Variants in NTAQ1 observed in about 807,000 individuals in gnomAD.
NTAQ1 encodes the protein protein N-terminal glutamine amidohydrolase.
A neutral mutation model predicts 28.2 loss-of-function variants in NTAQ1; 21 were observed. The ratio of observed to expected loss-of-function variants is 0.74; its 90% CI spans 0.53 to 1.07. The LOEUF is 1.07. Ranked by LOEUF, NTAQ1 falls within the 50% of genes least tolerant of loss-of-function variation. The pLI, the probability that NTAQ1 is intolerant of heterozygous loss-of-function variation, is 0.00. For missense variants in NTAQ1, 264 were observed against 256.6 expected, an observed-to-expected ratio of 1.03 and a Z score of -0.20; for synonymous variants, 105 against 90.0, an observed-to-expected ratio of 1.17 and a Z score of -0.94.
At chr8:123,446,103 C>A (rs549140589), downstream of NTAQ1, among the ~76,000 whole-genome samples, 24 of 152,264 alleles carry the variant, frequency 1.6e-4, no homozygotes, top group African/African-American at 5.8e-4. Flanking sequence ...AAGCGATTCT[C>A]GTGCCTCAGC....
At chr8:123,464,445 C>A (rs951998305) in intron 6 of NTAQ1, among the ~76,000 whole-genome samples, 1 of 152,084 alleles carries the variant, frequency 6.6e-6, no homozygotes, top group Non-Finnish European at 1.5e-5. Context: ...ACTGAATACA[C>A]GAGAGGTCAG....
At chr8:123,475,116 ATTTAT>A in the NTAQ1 span, among the ~76,000 whole-genome samples, 1 of 152,024 alleles carries the variant, frequency 6.6e-6, no homozygotes, top group African/African-American at 2.4e-5. Flanking sequence ...GCTGATGAAT[ATTTAT>A]TTTATTTTAT....
At chr8:123,441,151 A>G (rs1345207759) in intron 5 of NTAQ1, among the ~76,000 whole-genome samples, 155 bp from the exon 6 acceptor site, 2 of 152,140 alleles carry the variant, frequency 1.3e-5, no homozygotes, top group East Asian at 3.8e-4. Flanking sequence ...GATTGGATTG[A>G]AGTTATACAT....
At chr8:123,450,800 A>G (rs963635157), downstream of NTAQ1, among the ~76,000 whole-genome samples, 1 of 152,196 alleles carries the variant, frequency 6.6e-6, no homozygotes, top group Admixed American at 6.5e-5. Context: ...CCCACTTTGC[A>G]GTGTTTTCTT....
downstream of NTAQ1, among the ~76,000 whole-genome samples, chr8:123,474,783 A>G (rs1386193081): frequency 6.6e-6 from 1 of 152,134 alleles, no homozygotes; most frequent in Non-Finnish European, 1.5e-5. Flanking sequence ...GCTACTTGGG[A>G]GGCTGAGGCA....
At chr8:123,431,748 TC>T (rs1232788309) in intron 3 of NTAQ1, among the ~76,000 whole-genome samples, 1 of 152,152 alleles carries the variant, frequency 6.6e-6, no homozygotes, top group Non-Finnish European at 1.5e-5. Flanking sequence ...CTTCAGTGTC[TC>T]CCCCTGGTCA....
intron 1 of NTAQ1, among the ~76,000 whole-genome samples, chr8:123,424,616 C>A (rs1453924373): frequency 1.6e-5 from 1 of 62,322 alleles, no homozygotes; most frequent in Non-Finnish European, 3.4e-5. Flanking sequence ...TCAGGTGATC[C>A]AAGGTCTTAA....
At chr8:123,439,157 C>T (rs1187381330) in intron 5 of NTAQ1, among the ~76,000 whole-genome samples, 2 of 151,338 alleles carry the variant, frequency 1.3e-5, no homozygotes, top group East Asian at 3.9e-4. Flanking sequence ...TATGGGCTGC[C>T]GAGGTGAGCA....
intron 5 of NTAQ1, among the ~76,000 whole-genome samples, chr8:123,439,125 G>A (rs1814891940): frequency 6.6e-6 from 1 of 151,918 alleles, no homozygotes; most frequent in African/African-American, 2.4e-5. Flanking sequence ...TTTGTGCTGG[G>A]CTTTTGCCAG....
chr8:123,471,524 A>G (rs907064095), downstream of NTAQ1, among the ~76,000 whole-genome samples: 6 of 152,184 alleles, frequency 3.9e-5, no homozygotes, highest in Non-Finnish European at 8.8e-5. Context: ...AACAAGCTGG[A>G]GACCCAGTGG....
In NTAQ1 at chr8:123,428,584, TTTTG is replaced by T. The variant is rs536074284; in HGVS notation, c.183+577_183+580del. On this transcript the variant is annotated intron_variant, in intron 2 of 5. Transcript: ENST00000287387. ...TAGGTATCAATGTAGACCTGTTTTT[TTTTG>T]TTTGTTTGTTTGTTTTTTCTTTTAT... 1.4e-4 allele frequency among the ~76,000 whole-genome samples: 21 copies of T among 151,866 alleles called. No homozygotes were observed. In the East Asian group the frequency reaches 3.7e-3, roughly 27 times the overall value.
chr8:123,450,827 T>C (rs919963504), downstream of NTAQ1, among the ~76,000 whole-genome samples: 52 of 152,328 alleles, frequency 3.4e-4, no homozygotes, highest in African/African-American at 1.2e-3. Context: ...GCAGCCAAAG[T>C]GATCTTTATT....
intron 3 of NTAQ1, among the ~76,000 whole-genome samples, chr8:123,434,570 A>T (rs1291721515): frequency 6.6e-6 from 1 of 152,166 alleles, no homozygotes; most frequent in Non-Finnish European, 1.5e-5. Context: ...GGTTGCAGTG[A>T]GCTGGGATTG....
intron 1 of NTAQ1, among the ~76,000 whole-genome samples, chr8:123,427,238 T>C (rs1377103575): frequency 7.0e-6 from 1 of 141,956 alleles, no homozygotes; most frequent in Non-Finnish European, 1.5e-5. Flanking sequence ...GAAGTCAAGA[T>C]GGTCAAAGCT....
chr8:123,472,414 T>C (rs1265383029), downstream of NTAQ1, among the ~76,000 whole-genome samples: 1 of 152,190 alleles, frequency 6.6e-6, no homozygotes, highest in African/African-American at 2.4e-5. Flanking sequence ...GTCTCATAGT[T>C]CTGGAAGTTA....
downstream of NTAQ1, among the ~76,000 whole-genome samples, chr8:123,445,800 T>G (rs1815256855): frequency 6.6e-6 from 1 of 151,854 alleles, no homozygotes; most frequent in Admixed American, 6.6e-5. Flanking sequence ...GAGACAGGGT[T>G]TCACCATGTT....
chr8:123,439,228 G>C (rs987440455), intron 5 of NTAQ1, among the ~76,000 whole-genome samples: 1 of 151,934 alleles, frequency 6.6e-6, no homozygotes, highest in East Asian at 1.9e-4. Context: ...GCCCAGGCTG[G>C]AGTGCAGTGG....
At chr8:123,430,754 T>C (rs1814346775) in intron 3 of NTAQ1, among the ~76,000 whole-genome samples, 1 of 152,072 alleles carries the variant, frequency 6.6e-6, no homozygotes, top group East Asian at 1.9e-4. Flanking sequence ...GTACTCCAGC[T>C]TGGGTGACAG....
chr8:123,466,832 C>T (rs1369724054), intron 6 of NTAQ1, among the ~76,000 whole-genome samples: 2 of 152,040 alleles, frequency 1.3e-5, no homozygotes, highest in Non-Finnish European at 2.9e-5. Flanking sequence ...TACCATTTTA[C>T]AGTAAAGGGA....
Sources: gnomAD v4.1 joint callset for allele counts (sites outside exome capture counted in the v4.1 genomes callset) on GRCh38, gnomAD v4.1.1 for gene constraint, MANE v1.5 for transcripts, NCBI Gene and HGNC (gene_info 2026-07-23, HGNC 2026-07-21) for gene names.